The following DDA1 variants were observed in gnomAD, a reference collection of about 807,000 sequenced individuals.
DDA1 encodes DET1- and DDB1-associated protein 1.
Under a neutral mutation model 18.6 loss-of-function variants are expected in DDA1, and 3 were observed. That is an observed-to-expected ratio of 0.16 (90% CI 0.07 to 0.42). The LOEUF (loss-of-function observed/expected upper bound fraction) is 0.42, where lower values mean the gene tolerates loss of function less well. Among genes scored for constraint, DDA1 ranks in the 10% least tolerant of loss-of-function variants. The probability of loss-of-function intolerance (pLI) is 0.99; values close to 1 mark genes in which losing one functional copy is unlikely to be tolerated. For missense variants in DDA1, 105 were observed against 138.2 expected (o/e 0.76, Z 1.20); for synonymous variants, 52 against 54.0 (o/e 0.96, Z 0.17).
chr19:17,312,025 G>A lies in DDA1; in HGVS notation c.4-1998G>A, dbSNP rs535897136. Among the ~76,000 whole-genome samples, 7 of 152,260 alleles carry A rather than the reference G, an allele frequency of 4.6e-5. No individual in the cohort carries two copies. The South Asian group carries it at 1.2e-3, about 27-fold the overall frequency. ...CATGTTGATCCTAAAGGCTGCCCCT[G>A]AGGGAGCTCTGTGCAAAGCATTCCC... On this transcript the variant is annotated intron_variant, in intron 1 of 4. Coordinates refer to ENST00000359866, the MANE Select transcript of DDA1 (RefSeq NM_024050.6).
intron 4 of DDA1, among the ~76,000 whole-genome samples, chr19:17,318,295 G>A (rs968150230): frequency 3.9e-5 from 6 of 152,130 alleles, no homozygotes; most frequent in Non-Finnish European, 5.9e-5. Flanking sequence ...GCAGTGGCGC[G>A]ATCTTGGCTC....
Position 17,314,081 on chromosome 19 carries a change from C to T in DDA1, c.62C>T (p.Ala21Val), listed in dbSNP as rs372277903. The change falls in exon 2 of 5, where the codon GCG becomes GTG. Residue 21 changes from alanine (A) to valine (V), a missense_variant. Transcript: ENST00000359866. This position sits in a 1 kb window ranked among gnomAD's most constrained non-coding sequence, Gnocchi z 4.6. ...AAAAGCAATTTTAGTCGATTTCACG[C>T]GGACTCCGTGTGCAAAGCCTCGGTG... ...YNKSNFSRFHADSVCKASNRR... is the reference protein window; with the variant it reads ...YNKSNFSRFHVDSVCKASNRR... 4.5e-5 allele frequency: 73 copies of T among 1,613,980 alleles called. No homozygotes were observed. The highest frequency in any genetic ancestry group is 5.8e-5 in the Non-Finnish European group (68 of 1,180,020).
At position 17,314,691 on chromosome 19, in the gene DDA1, C is replaced by A. The variant is rs559991149; in HGVS notation, c.136+302C>A. Reference sequence around the variant, plus strand: ...CTTGATTGGGACACACTGGGATCCACAGCCAGCCCAAAGGGGCCCCCAAGT... The same window carrying A: ...CTTGATTGGGACACACTGGGATCCAAAGCCAGCCCAAAGGGGCCCCCAAGT... On this transcript the variant is annotated intron_variant, in intron 3 of 4. Coordinates refer to ENST00000359866, the MANE Select transcript of DDA1 (RefSeq NM_024050.6). This position sits in a 1 kb window ranked among gnomAD's most constrained non-coding sequence, Gnocchi z 4.6. 1.1e-5 allele frequency: 5 copies of A among 440,366 alleles called. No homozygotes were observed. Among genetic ancestry groups the A allele is most frequent in the South Asian group, 4.8e-5 (2 of 41,792 alleles). The allele number at this position is 440,366 out of a possible 1,614,324, so 27.3% of individuals were successfully genotyped here. A position where few individuals can be genotyped will look rare whatever the true frequency, so the allele number is the denominator to read the frequency against.
chr19:17,319,460 T>C, intron 4 of DDA1, 86 bp from the exon 5 acceptor site: 4 of 1,130,840 alleles, frequency 3.5e-6, no homozygotes, highest in Non-Finnish European at 5.2e-6. Context: ...CTCCAGAGGC[T>C]GAGCTGGGAG....
Position 17,313,998 on chromosome 19 carries a change from ATGTAC to A in DDA1, c.4-24_4-20del, listed in dbSNP as rs1021651045. ...TGAGCTGGCCCTTGCCTGTTTTCTC[ATGTAC>A]CATCTTCCATGTCTTCTAGGCAGAT... On this transcript the variant is annotated intron_variant, in intron 1 of 4. Coordinates refer to ENST00000359866, the MANE Select transcript of DDA1 (RefSeq NM_024050.6). 2.5e-6 allele frequency: 4 copies of A among 1,603,568 alleles called. No individual in the cohort carries two copies. In the East Asian group the frequency reaches 6.7e-5, roughly 27 times the overall value.
intron 3 of DDA1, among the ~76,000 whole-genome samples, chr19:17,315,248 CACACACGTGTATAT>C (rs1599535091): frequency 1.3e-5 from 1 of 74,626 alleles, no homozygotes; most frequent in South Asian, 3.4e-4. Context: ...CGTGTATATA[CACACACGTGTATAT>C]ACACACACGT....
At chr19:17,315,379 GTA>G (rs575618383) in intron 3 of DDA1, among the ~76,000 whole-genome samples, 1 of 71,102 alleles carries the variant, frequency 1.4e-5, no homozygotes. Context: ...ATATACACAC[GTA>G]TATATATACA....
At chr19:17,316,846 C>T (rs1052055498) in intron 4 of DDA1, among the ~76,000 whole-genome samples, 2 of 149,690 alleles carry the variant, frequency 1.3e-5, no homozygotes, top group African/African-American at 2.5e-5. Flanking sequence ...CCACTGCATT[C>T]CAGCCTGGGC....
In DDA1 at chr19:17,319,633, C is replaced by G; in HGVS notation, c.286C>G (p.Pro96Ala). 3.8e-6 allele frequency: 6 copies of G among 1,574,536 alleles called. No homozygotes were observed. Among genetic ancestry groups the G allele is most frequent in the Non-Finnish European group, 5.2e-6 (6 of 1,160,024 alleles). Reference sequence around the variant, plus strand: ...CCGCAAGGTGGCGCGGACCGACAGCCCAGACATGCACGAGGACACTTAAGA... The same window carrying G: ...CCGCAAGGTGGCGCGGACCGACAGCGCAGACATGCACGAGGACACTTAAGA... ...PPRKVARTDS[P>A]DMHEDT is the part of the protein sequence containing the mutation. The change falls in exon 5 of 5, where the codon CCA becomes GCA. Residue 96 changes from proline (P) to alanine (A), a missense_variant. Physicochemically the swap from Pro to Ala is conservative, Grantham distance 27. Coordinates refer to ENST00000359866, the MANE Select transcript of DDA1 (RefSeq NM_024050.6).
intron 3 of DDA1, among the ~76,000 whole-genome samples, chr19:17,315,464 C>T (rs78078647): frequency 2.2e-4 from 17 of 76,962 alleles, no homozygotes; most frequent in African/African-American, 8.6e-4. Flanking sequence ...ATTAGCCGGG[C>T]GTGGTGGCAT....
intron 1 of DDA1, among the ~76,000 whole-genome samples, chr19:17,312,511 G>C (rs1352793971): frequency 1.3e-5 from 2 of 152,082 alleles, no homozygotes; most frequent in Non-Finnish European, 2.9e-5. Context: ...TCCAGCAGGG[G>C]CAAGCTGGGC....
In DDA1 at chr19:17,309,645, G is replaced by T; in HGVS notation, c.-10G>T. 6.2e-6 allele frequency: 10 copies of T among 1,613,036 alleles called. No individual in the cohort carries two copies. Among genetic ancestry groups the T allele is most frequent in the Non-Finnish European group, 7.6e-6 (9 of 1,179,410 alleles). Reference sequence around the variant, plus strand: ...GGCGGCGGCCGAGGCGGCGACGGAGGAAACAGAAGATGGTGAGGATGGCCT... The same window carrying T: ...GGCGGCGGCCGAGGCGGCGACGGAGTAAACAGAAGATGGTGAGGATGGCCT... On this transcript the variant is annotated 5_prime_UTR_variant, in exon 1 of 5. Coordinates refer to ENST00000359866, the MANE Select transcript of DDA1 (RefSeq NM_024050.6).
At chr19:17,316,966 C>T (rs956865734) in intron 4 of DDA1, among the ~76,000 whole-genome samples, 1 of 152,202 alleles carries the variant, frequency 6.6e-6, no homozygotes, top group Non-Finnish European at 1.5e-5. Context: ...GTGGCTCACA[C>T]CTGTAATCCC....
rs2074195442 is a variant in DDA1, at chr19:17,314,937, C to T, written c.136+548C>T. On this transcript the variant is annotated intron_variant, in intron 3 of 4. Coordinates refer to ENST00000359866, the MANE Select transcript of DDA1 (RefSeq NM_024050.6). This position sits in a 1 kb window ranked among gnomAD's most constrained non-coding sequence, Gnocchi z 4.6. ...ACTTGGTCTTGCTGTCTTAGTTTAA[C>T]TGTTCAAAAAGACTCCACACCAGGT... 6.6e-6 allele frequency among the ~76,000 whole-genome samples: 1 copy of T among 151,842 alleles called. No individual in the cohort carries two copies. Among genetic ancestry groups the T allele is most frequent in the Non-Finnish European group, 1.5e-5 (1 of 67,916 alleles).
Position 17,315,200 on chromosome 19 carries a change from T to TACAC in DDA1, c.137-731_137-728dup, listed in dbSNP as rs1555722641. Reference sequence around the variant, plus strand: ...ACACACGTGTATACACACACGTGTATACACACGTGTATATACACACACGTG... The same window carrying TACAC: ...ACACACGTGTATACACACACGTGTATACACACACACGTGTATATACACACACGTG... On this transcript the variant is annotated intron_variant, in intron 3 of 4. Transcript: ENST00000359866. Among the ~76,000 whole-genome samples the TACAC allele has an allele frequency of 2.9e-3, 40 of 13,778 alleles. 12 individuals are homozygous for TACAC. The highest frequency in any genetic ancestry group is 0.067 in the Middle Eastern group (2 of 30). The allele number at this position is 13,778 out of a possible 152,430, so 9.0% of individuals were successfully genotyped here.
In DDA1 at chr19:17,322,021, A is replaced by C. The variant is rs1263055151; in HGVS notation, c.*2365A>C. On this transcript the variant is annotated 3_prime_UTR_variant, in exon 5 of 5. Coordinates refer to ENST00000359866, the MANE Select transcript of DDA1 (RefSeq NM_024050.6). Reference sequence around the variant, plus strand: ...GGCCTGCGGTGTCCATCTGTGAATGACTGAGATGGTGGGACTTCAGCTTCC... The same window carrying C: ...GGCCTGCGGTGTCCATCTGTGAATGCCTGAGATGGTGGGACTTCAGCTTCC... 6.5e-6 allele frequency: 1 copy of C among 152,680 alleles called. No individual in the cohort carries two copies. Among genetic ancestry groups the C allele is most frequent in the Admixed American group, 6.5e-5 (1 of 15,276 alleles). 9.5% of individuals were successfully genotyped at this position (152,680 alleles called of 1,614,324 possible).
In DDA1 at chr19:17,314,273, G is replaced by A; in HGVS notation, c.85-65G>A. 1.9e-6 allele frequency: 3 copies of A among 1,602,294 alleles called. No individual in the cohort carries two copies. The highest frequency in any genetic ancestry group is 2.6e-6 in the Non-Finnish European group (3 of 1,169,530). ...CTGCACTGAAGGGTGGGTGCTGAGT[G>A]GAGGGATGAGGAGACCCCAGGCCCA... On this transcript the variant is annotated intron_variant, in intron 2 of 4. Coordinates refer to ENST00000359866, the MANE Select transcript of DDA1 (RefSeq NM_024050.6). The surrounding 1 kb of genome is among the most constrained non-coding windows in gnomAD (Gnocchi z 4.6).
At position 17,319,148 on chromosome 19, in the gene DDA1, T is replaced by C. The variant is rs370651548; in HGVS notation, c.199-398T>C. On this transcript the variant is annotated intron_variant, in intron 4 of 4. Transcript: ENST00000359866. The stretch of plus-strand genomic sequence containing the variant: ...GGTCATTGCATGTGGTGGGGGTGAC[T>C]CCGGGTGCCAGGAAACACCTGTCTA... 5.9e-5 allele frequency among the ~76,000 whole-genome samples: 9 copies of C among 152,214 alleles called. No homozygotes were observed. The East Asian group carries it at 9.7e-4, about 16-fold the overall frequency.
At chr19:17,313,384 C>T (rs949474196) in intron 1 of DDA1, among the ~76,000 whole-genome samples, 2 of 151,164 alleles carry the variant, frequency 1.3e-5, no homozygotes, top group Non-Finnish European at 2.9e-5. Flanking sequence ...CAGACAGTCC[C>T]ACCACTGGCC....
Sources: allele counts gnomAD v4.1 joint callset (sites outside exome capture counted in the v4.1 genomes callset), GRCh38; gene constraint gnomAD v4.1.1; non-coding constraint Gnocchi (gnomAD v3.1); transcripts MANE v1.5; gene names NCBI Gene and HGNC (gene_info 2026-07-23, HGNC 2026-07-21).